LRRIQ3: variants seen among roughly 807,000 people sequenced by gnomAD.
LRRIQ3 encodes the protein leucine-rich repeat and IQ domain-containing protein 3.
Under a neutral mutation model 59.3 loss-of-function variants are expected in LRRIQ3, and 75 were observed. The observed-to-expected ratio is 1.26, with a 90% CI of 1.05 to 1.53. LRRIQ3 has a LOEUF of 1.53. Among genes scored for constraint, LRRIQ3 ranks in the 40% most tolerant of loss-of-function variants. The pLI, the probability that LRRIQ3 is intolerant of heterozygous loss-of-function variation, is 0.00. For missense variants in LRRIQ3, 831 were observed against 710.0 expected, an observed-to-expected ratio of 1.17 and a Z score of -1.94; for synonymous variants, 250 against 231.3, an observed-to-expected ratio of 1.08 and a Z score of -0.73.
chr1:74,166,911 A>G (rs969439906), intron 3 of LRRIQ3, among the ~76,000 whole-genome samples: 1 of 151,998 alleles, frequency 6.6e-6, no homozygotes, highest in African/African-American at 2.4e-5. Context: ...ATATCACCTT[A>G]CTCCTGCAAG....
At chr1:74,145,002 C>A (rs1856789) in intron 4 of LRRIQ3, among the ~76,000 whole-genome samples, 46,072 of 151,910 alleles carry the variant, frequency 0.3, 7,758 homozygotes, top group Middle Eastern at 0.45. Flanking sequence ...ATCAATCTTG[C>A]TTATTATGAT....
At chr1:74,178,729 T>C (rs1649794422) in intron 3 of LRRIQ3, among the ~76,000 whole-genome samples, 2 of 152,184 alleles carry the variant, frequency 1.3e-5, no homozygotes, top group African/African-American at 4.8e-5. Context: ...CAAACCAGAT[T>C]CCATTCTACC....
chr1:74,108,123 T>C (rs1326031629), intron 5 of LRRIQ3, among the ~76,000 whole-genome samples: 1 of 151,824 alleles, frequency 6.6e-6, no homozygotes, highest in Non-Finnish European at 1.5e-5. Flanking sequence ...TATATATTTA[T>C]ACACAAACAC....
intron 1 of LRRIQ3, among the ~76,000 whole-genome samples, chr1:74,188,449 C>T (rs895124237): frequency 2.6e-5 from 4 of 152,072 alleles, no homozygotes; most frequent in African/African-American, 7.2e-5. Flanking sequence ...CTATTAAGAA[C>T]CCTGGCTTCT....
chr1:74,168,737 T>C (rs1557650673), intron 3 of LRRIQ3, among the ~76,000 whole-genome samples: 1 of 152,122 alleles, frequency 6.6e-6, no homozygotes, highest in African/African-American at 2.4e-5. Context: ...TTATCTATAG[T>C]GAGGTTTTCT....
At chr1:74,180,627 TCA>T (rs2100719885) in intron 3 of LRRIQ3, 3 of 1,222,768 alleles carry the variant, frequency 2.5e-6, no homozygotes, top group Admixed American at 5.2e-5. Context: ...CTTTCCACAC[TCA>T]GTGTGAAAAG....
chr1:74,182,458 T>C, intron 3 of LRRIQ3, 80 bp downstream of exon 3: 1 of 750,730 alleles, frequency 1.3e-6, no homozygotes, highest in Non-Finnish European at 1.9e-6. Context: ...AAAGTTTATA[T>C]AATTTAGATA....
chr1:74,100,954 C>A (rs1452851041), intron 5 of LRRIQ3, among the ~76,000 whole-genome samples: 2 of 152,080 alleles, frequency 1.3e-5, no homozygotes, highest in Admixed American at 1.3e-4. Flanking sequence ...ACCATAAAAA[C>A]CCTAGAAGAA....
Position 74,041,447 on chromosome 1 carries a change from T to C in LRRIQ3, c.1484A>G (p.Glu495Gly), listed in dbSNP as rs1228469950. Residue 495 changes from glutamate to glycine, a missense_variant, in exon 7 of 8, where the codon GAA (glutamate) becomes GGA (glycine). Glu to Gly is a moderately conservative substitution (Grantham distance 98, BLOSUM62 -2). Transcript: ENST00000354431. ...CAGAGCTTTTCTCTCTCTAGCTTTT[T>C]CAAGGTAGTTGAATCTGTTTTGCCA... ...QVWQNRFNYL[E>G]KARERKALFL... 1 of 1,613,668 alleles carries C rather than the reference T, an allele frequency of 6.2e-7. No homozygotes were observed. Among genetic ancestry groups the C allele is most frequent in the African/African-American group, 1.3e-5 (1 of 74,928 alleles).
chr1:74,150,823 A>T (rs1241563764), intron 4 of LRRIQ3, among the ~76,000 whole-genome samples: 1 of 152,006 alleles, frequency 6.6e-6, no homozygotes, highest in Non-Finnish European at 1.5e-5. Context: ...AATTGCCTTA[A>T]ATTTACTCTT....
intron 4 of LRRIQ3, among the ~76,000 whole-genome samples, chr1:74,112,419 C>T (rs138948308): frequency 1.3e-3 from 196 of 152,108 alleles, no homozygotes; most frequent in African/African-American, 4.6e-3. Flanking sequence ...TTGAAGTTTT[C>T]CAGAGAAAAA....
chr1:74,098,953 G>A (rs1462039968), intron 5 of LRRIQ3, among the ~76,000 whole-genome samples: 1 of 152,120 alleles, frequency 6.6e-6, no homozygotes, highest in Admixed American at 6.6e-5. Flanking sequence ...GACAAAGTAG[G>A]AAAGATCTAA....
chr1:74,184,651 A>C (rs1168111781), intron 1 of LRRIQ3, among the ~76,000 whole-genome samples: 1 of 152,132 alleles, frequency 6.6e-6, no homozygotes, highest in Non-Finnish European at 1.5e-5. Context: ...TCAATGAATT[A>C]ATTAGAAGGC....
At chr1:74,134,296 G>C (rs1253270599) in intron 4 of LRRIQ3, among the ~76,000 whole-genome samples, 1 of 151,964 alleles carries the variant, frequency 6.6e-6, no homozygotes, top group South Asian at 2.1e-4. Flanking sequence ...AAGAACAGTG[G>C]GGAGTTTGTA....
intron 2 of LRRIQ3, 130 bp from the exon 3 acceptor site, chr1:74,182,991 G>C (rs897847506): frequency 1.5e-4 from 79 of 536,636 alleles, no homozygotes; most frequent in Non-Finnish European, 2.0e-4. Flanking sequence ...TAAGCAAACA[G>C]AGTATTTATA....
intron 4 of LRRIQ3, among the ~76,000 whole-genome samples, chr1:74,127,533 A>G (rs1371620299): frequency 6.6e-6 from 1 of 151,902 alleles, no homozygotes; most frequent in Non-Finnish European, 1.5e-5. Flanking sequence ...ATGATATTCT[A>G]TAACTCATTA....
intron 1 of LRRIQ3, among the ~76,000 whole-genome samples, chr1:74,191,722 T>C (rs561841442): frequency 6.6e-6 from 1 of 152,136 alleles, no homozygotes; most frequent in Admixed American, 6.5e-5. Flanking sequence ...TTAAAGATAT[T>C]TTGAACTAAT....
intron 5 of LRRIQ3, among the ~76,000 whole-genome samples, chr1:74,097,938 C>G (rs920584348): frequency 6.6e-6 from 1 of 152,136 alleles, no homozygotes; most frequent in Non-Finnish European, 1.5e-5. Flanking sequence ...CCAGTACCAG[C>G]CACTGCAAAA....
chr1:74,171,676 C>G (rs541144113), intron 3 of LRRIQ3, among the ~76,000 whole-genome samples: 1 of 152,022 alleles, frequency 6.6e-6, no homozygotes, highest in African/African-American at 2.4e-5. Flanking sequence ...TAGAAGTGTT[C>G]GCTCTTCTTT....
Sources: allele counts gnomAD v4.1 joint callset (sites outside exome capture counted in the v4.1 genomes callset), GRCh38; gene constraint gnomAD v4.1.1; transcripts MANE v1.5; gene names NCBI Gene and HGNC (gene_info 2026-07-23, HGNC 2026-07-21).